Variants in SLA observed in about 807,000 individuals in gnomAD.
SLA encodes the protein src-like-adapter.
Under a neutral mutation model 30.3 loss-of-function variants are expected in SLA, and 16 were observed. That is an observed-to-expected ratio of 0.53 (90% CI 0.36 to 0.80). The LOEUF is 0.80. SLA is among the 30% of genes least tolerant of loss of function. The pLI is 0.01. For synonymous variants in SLA, 143 were observed against 137.8 expected, an observed-to-expected ratio of 1.04 and a Z score of -0.26; for missense variants, 310 against 345.2, an observed-to-expected ratio of 0.90 and a Z score of 0.81.
chr8:133,078,633 A>C (rs1378544630), intron 1 of SLA, among the ~76,000 whole-genome samples: 1 of 152,238 alleles, frequency 6.6e-6, no homozygotes. Flanking sequence ...GACGCTATGC[A>C]TGTAACTGTA....
intron 4 of SLA, 64 bp downstream of exon 4, chr8:133,050,752 C>T: frequency 1.8e-6 from 2 of 1,089,014 alleles, no homozygotes; most frequent in Admixed American, 3.4e-5. Context: ...CAATCAAATA[C>T]TTTTCTCCCA....
rs746398257 is a variant in SLA, at chr8:133,074,985, A to G, written c.-173T>C. ...GCAGCCGGGCTTCTCGCGGTTGTGG[A>G]GAAGCAGCCCATGCTACACAGAAGA... On this transcript the variant is annotated 5_prime_UTR_variant, in exon 2 of 9. Transcript: ENST00000338087. 23 of 985,378 alleles carry G rather than the reference A, an allele frequency of 2.3e-5. No homozygotes were observed. Among genetic ancestry groups the G allele is most frequent in the Non-Finnish European group, 2.7e-5 (22 of 829,988 alleles). 61.0% of individuals were successfully genotyped at this position (985,378 alleles called of 1,614,324 possible).
In SLA at chr8:133,060,116, G is replaced by A. The variant is rs1426543289; in HGVS notation, c.45C>T (p.Pro15=). ...MKSTPAPAER[P]LPNPEGLDSD... is the part of the protein sequence containing the mutation. ...CAGACTTACCCTCCGGGTTGGGCAG[G>A]GGCCTCTCGGCAGGCGCAGGGGTGG... is the stretch of plus-strand genomic sequence containing the variant. The change falls in exon 3 of 9, where the codon CCC becomes CCT. Residue 15 remains proline (P), a synonymous_variant. Coordinates refer to ENST00000338087, the MANE Select transcript of SLA (RefSeq NM_001045556.3). The A allele has an allele frequency of 3.1e-6, 5 of 1,606,118 alleles. No homozygotes were observed.
At chr8:133,041,784 GTTTTTTTTT>G (rs529937626) in intron 7 of SLA, among the ~76,000 whole-genome samples, 1 of 124,420 alleles carries the variant, frequency 8.0e-6, no homozygotes, top group Non-Finnish European at 1.7e-5. Flanking sequence ...CTTGTGGTCA[GTTTTTTTTT>G]TTTTTTTTTT....
rs869172140 is a variant in SLA at position 133,055,365 on chromosome 8, GCACACA to G, written c.62-4456_62-4451del. ...CTTCAGGACACACACACGCACGCGC[GCACACA>G]CACACACACACACACACACACACAC... is the stretch of plus-strand genomic sequence containing the variant. On this transcript the variant is annotated intron_variant, in intron 3 of 8. Coordinates refer to ENST00000338087, the MANE Select transcript of SLA (RefSeq NM_001045556.3). 1.4e-4 allele frequency among the ~76,000 whole-genome samples: 9 copies of G among 62,276 alleles called. No individual in the cohort carries two copies. The Middle Eastern group carries it at 0.023, about 160-fold the overall frequency. The allele number at this position is 62,276 out of a possible 152,430, so 40.9% of individuals were successfully genotyped here.
chr8:133,089,710 C>A (rs1267341864), intron 1 of SLA, among the ~76,000 whole-genome samples: 1 of 152,186 alleles, frequency 6.6e-6, no homozygotes, highest in Non-Finnish European at 1.5e-5. Context: ...TCATGCAATA[C>A]ATATTTTGAG....
At chr8:133,062,814 C>T (rs1391339874) in intron 2 of SLA, among the ~76,000 whole-genome samples, 1 of 152,186 alleles carries the variant, frequency 6.6e-6, no homozygotes, top group African/African-American at 2.4e-5. Flanking sequence ...TTTGCACAGG[C>T]CTCAGGAAGC....
At chr8:133,082,180 T>A (rs1391120340) in intron 1 of SLA, among the ~76,000 whole-genome samples, 2 of 152,124 alleles carry the variant, frequency 1.3e-5, no homozygotes, top group African/African-American at 2.4e-5. Flanking sequence ...TGAAGGGAAT[T>A]TTTTCAAGGG....
rs766152332 is a variant in SLA at position 133,096,251 on chromosome 8, G to T, written c.-319+6302C>A. 12 of 1,614,088 alleles carry T rather than the reference G, an allele frequency of 7.4e-6. No homozygotes were observed. The African/African-American group carries it at 1.2e-4, about 16-fold the overall frequency. ...TTTCCACTACTGGGGTCCTGTGATC[G>T]ATGGCCACTTCCTCCGTGAGCCTCC... On this transcript the variant is annotated intron_variant, in intron 1 of 8. Coordinates refer to ENST00000338087, the MANE Select transcript of SLA (RefSeq NM_001045556.3).
chr8:133,093,139 CT>C (rs752795832), intron 1 of SLA, among the ~76,000 whole-genome samples: 67 of 146,352 alleles, frequency 4.6e-4, no homozygotes, highest in Admixed American at 2.8e-3. Flanking sequence ...CTTTTCTTTT[CT>C]TTTTTTTTTT....
intron 5 of SLA, 180 bp downstream of exon 5, chr8:133,049,722 C>A: frequency 1.7e-6 from 1 of 602,004 alleles, no homozygotes; most frequent in South Asian, 1.9e-5. Flanking sequence ...TCCCAGAGAG[C>A]AGAAGAGATA....
At chr8:133,045,224 T>C in intron 6 of SLA, 109 bp from the exon 7 acceptor site, 1 of 1,136,092 alleles carries the variant, frequency 8.8e-7, no homozygotes, top group Non-Finnish European at 1.3e-6. Context: ...ACCCTTGGGA[T>C]ACAACAGTGA....
intron 2 of SLA, among the ~76,000 whole-genome samples, chr8:133,073,747 C>T (rs1564154772): frequency 6.6e-6 from 1 of 152,066 alleles, no homozygotes; most frequent in Non-Finnish European, 1.5e-5. Flanking sequence ...ACACAGGCCT[C>T]AGCTCTGCAT....
chr8:133,094,028 T>TA (rs746937527), intron 1 of SLA, among the ~76,000 whole-genome samples: 26 of 152,080 alleles, frequency 1.7e-4, no homozygotes, highest in Non-Finnish European at 3.1e-4. Context: ...CTCCCCTGGT[T>TA]ACCCATGACT....
intron 2 of SLA, among the ~76,000 whole-genome samples, chr8:133,065,335 C>T (rs1564141762): frequency 6.6e-6 from 1 of 152,254 alleles, no homozygotes; most frequent in Non-Finnish European, 1.5e-5. Flanking sequence ...AGAGCTAAAG[C>T]TGGGATTCCA....
intron 2 of SLA, among the ~76,000 whole-genome samples, chr8:133,065,227 T>A (rs1842887485): frequency 6.6e-6 from 1 of 152,196 alleles, no homozygotes; most frequent in Non-Finnish European, 1.5e-5. Context: ...GGCACAAAGC[T>A]AAGTACTGTC....
chr8:133,075,620 G>A (rs6990835), intron 1 of SLA, among the ~76,000 whole-genome samples: 31,261 of 152,148 alleles, frequency 0.21, 3,510 homozygotes, highest in Non-Finnish European at 0.25. Flanking sequence ...AGGATGTCTC[G>A]TATCATGACG....
intron 1 of SLA, among the ~76,000 whole-genome samples, chr8:133,077,683 G>T (rs1425043967): frequency 1.3e-5 from 2 of 152,092 alleles, no homozygotes; most frequent in Non-Finnish European, 2.9e-5. Flanking sequence ...CCCAAGCGGG[G>T]TCTCAGCCTC....
chr8:133,048,232 T>A (rs1232694175), intron 5 of SLA, among the ~76,000 whole-genome samples: 2 of 152,180 alleles, frequency 1.3e-5, no homozygotes, highest in Non-Finnish European at 2.9e-5. Flanking sequence ...ATGTAATTTT[T>A]TTTTTGGAAA....
Sources: allele counts gnomAD v4.1 joint callset (sites outside exome capture counted in the v4.1 genomes callset), GRCh38; gene constraint gnomAD v4.1.1; transcripts MANE v1.5; gene names NCBI Gene and HGNC (gene_info 2026-07-23, HGNC 2026-07-21).